The following CLVS1 variants were observed in gnomAD, a reference collection of about 807,000 sequenced individuals.
The protein encoded by CLVS1 is clavesin 1, also known as clavesin-1.
CLVS1 carries 10 observed loss-of-function variants against 33.1 expected under a neutral mutation model. The ratio of observed to expected loss-of-function variants is 0.30; its 90% CI spans 0.19 to 0.51. The LOEUF is 0.51. CLVS1 is among the 20% of genes least tolerant of loss of function. The pLI is 0.97. For synonymous variants in CLVS1, 163 were observed against 166.1 expected, an observed-to-expected ratio of 0.98 and a Z score of 0.14; for missense variants, 343 against 433.4, an observed-to-expected ratio of 0.79 and a Z score of 1.85.
Position 61,169,647 on chromosome 8 carries a change from G to A in CLVS1, c.-152+37787G>A, listed in dbSNP as rs144057233. 5.3e-5 allele frequency among the ~76,000 whole-genome samples: 8 copies of A among 152,284 alleles called. No homozygotes were observed. The East Asian group carries it at 1.5e-3, about 29-fold the overall frequency. ...CAGAAATATTTTGTCCCAGGCCGTT[G>A]TCTGTTATTTGGGCTCAGTTAATTC... On this transcript the variant is annotated intron_variant, in intron 2 of 2. Transcript: ENST00000522621.
chr8:61,078,272 G>A (rs1804962025), intron 1 of CLVS1, among the ~76,000 whole-genome samples: 2 of 152,212 alleles, frequency 1.3e-5, no homozygotes, highest in Admixed American at 1.3e-4. Flanking sequence ...CACACACAGC[G>A]GAATTGCCCG....
the CLVS1 span, among the ~76,000 whole-genome samples, chr8:61,012,411 G>A: frequency 6.0e-4 from 92 of 152,186 alleles, 1 homozygote; most frequent in Non-Finnish European, 2.1e-4. Context: ...CTATAGTGTA[G>A]CAATATTTAT....
the CLVS1 span, among the ~76,000 whole-genome samples, chr8:61,035,263 G>T: frequency 6.7e-6 from 1 of 149,758 alleles, no homozygotes; most frequent in African/African-American, 2.5e-5. Context: ...GGGTTTGAGG[G>T]GAGAGTCTGA....
the CLVS1 span, among the ~76,000 whole-genome samples, chr8:60,990,055 G>C: frequency 6.7e-6 from 1 of 149,600 alleles, no homozygotes; most frequent in South Asian, 2.2e-4. Flanking sequence ...AACCCAGGAG[G>C]TGGAGGTTGC....
intron 2 of CLVS1, among the ~76,000 whole-genome samples, chr8:61,279,862 A>G (rs1809635726): frequency 1.3e-5 from 2 of 152,232 alleles, no homozygotes; most frequent in Admixed American, 6.5e-5. Context: ...CAGAAATAAT[A>G]CTAACTTTGA....
At chr8:61,203,335 G>A (rs1255554624) in intron 2 of CLVS1, 16 of 620,612 alleles carry the variant, frequency 2.6e-5, no homozygotes, top group East Asian at 1.7e-4. Context: ...TTTCCCTACC[G>A]TGTTTGATAA....
At chr8:61,129,360 G>T (rs1301027998) in intron 1 of CLVS1, among the ~76,000 whole-genome samples, 6 of 152,242 alleles carry the variant, frequency 3.9e-5, no homozygotes, top group African/African-American at 1.4e-4. Flanking sequence ...ATGAAGTAGA[G>T]CTCCTGGTTC....
Position 61,212,462 on chromosome 8 carries a change from G to A in CLVS1, c.-152+80602G>A, listed in dbSNP as rs115455031. On this transcript the variant is annotated intron_variant, in intron 2 of 2. Transcript: ENST00000522621. The stretch of plus-strand genomic sequence containing the variant: ...TGAAGTGAGGAGCCCAGGGTACTGA[G>A]GCTGGCGCTGCCCAGTTGGTCCCAA... Among the ~76,000 whole-genome samples, 857 of 152,296 alleles carry A rather than the reference G, an allele frequency of 5.6e-3. 8 individuals carry two copies. Among genetic ancestry groups the A allele is most frequent in the African/African-American group, 0.019 (803 of 41,574 alleles).
At chr8:61,444,988 T>C (rs1816700520) in intron 3 of CLVS1, among the ~76,000 whole-genome samples, 1 of 152,176 alleles carries the variant, frequency 6.6e-6, no homozygotes, top group Non-Finnish European at 1.5e-5. Flanking sequence ...TAGTCATTTG[T>C]TATCTCTGGG....
chr8:61,490,407 G>A (rs1049008663), intron 5 of CLVS1, among the ~76,000 whole-genome samples: 7 of 151,490 alleles, frequency 4.6e-5, no homozygotes, highest in African/African-American at 9.7e-5. Flanking sequence ...TGTGGCTCAC[G>A]CCTGTAATCT....
Position 61,300,063 on chromosome 8 carries a change from T to G in CLVS1, c.236T>G (p.Phe79Cys). 6.2e-7 allele frequency: 1 copy of G among 1,614,018 alleles called. No homozygotes were observed. Among genetic ancestry groups the G allele is most frequent in the Non-Finnish European group, 8.5e-7 (1 of 1,179,966 alleles). Residue 79 changes from phenylalanine (F) to cysteine (C), a missense_variant, in exon 2 of 6, where the codon TTT becomes TGT. Around this residue, in one of 4 missense-constraint regions of CLVS1, gnomAD observed 166 missense variants for 244.0 expected, o/e 0.68. Transcript: ENST00000325897. ...LRTDDAFILR[F>C]LRARKFHQAD... ...ACAGATGATGCCTTCATCCTGAGAT[T>G]TCTCCGAGCCAGGAAGTTTCACCAA...
At chr8:61,372,998 C>T (rs1813500141) in intron 2 of CLVS1, among the ~76,000 whole-genome samples, 1 of 152,152 alleles carries the variant, frequency 6.6e-6, no homozygotes, top group African/African-American at 2.4e-5. Flanking sequence ...ATACTGTACT[C>T]TTTGAAGGAA....
intron 3 of CLVS1, among the ~76,000 whole-genome samples, chr8:61,421,093 G>A (rs1348882911): frequency 6.6e-6 from 1 of 152,114 alleles, no homozygotes; most frequent in African/African-American, 2.4e-5. Flanking sequence ...TTGCTTTTGA[G>A]GTGCATTAGA....
intron 2 of CLVS1, among the ~76,000 whole-genome samples, chr8:61,340,804 T>C (rs1812004826): frequency 1.3e-5 from 2 of 152,228 alleles, no homozygotes; most frequent in African/African-American, 4.8e-5. Flanking sequence ...ACATTTCTAA[T>C]TGGAATGAAT....
intron 3 of CLVS1, among the ~76,000 whole-genome samples, chr8:61,399,438 G>C (rs1372638507): frequency 6.6e-6 from 1 of 151,958 alleles, no homozygotes; most frequent in Non-Finnish European, 1.5e-5. Context: ...TGTAAATGCT[G>C]GACCTTTGTC....
chr8:61,179,768 G>T (rs1467340928), intron 2 of CLVS1, among the ~76,000 whole-genome samples: 5 of 152,176 alleles, frequency 3.3e-5, no homozygotes, highest in African/African-American at 1.2e-4. Flanking sequence ...AATTAAGTTA[G>T]AAATCAAGAC....
the CLVS1 span, among the ~76,000 whole-genome samples, chr8:61,042,270 C>A: frequency 6.6e-6 from 1 of 152,188 alleles, no homozygotes; most frequent in African/African-American, 2.4e-5. Context: ...CAATATTAAC[C>A]ATTATTATTG....
chr8:61,299,656 TTGTG>T lies in CLVS1; in HGVS notation c.-151-17_-151-14del, dbSNP rs1347872613. 6 of 582,140 alleles carry T rather than the reference TTGTG, an allele frequency of 1.0e-5. No individual in the cohort carries two copies. Among genetic ancestry groups the T allele is most frequent in the Non-Finnish European group, 1.8e-5 (6 of 329,626 alleles). The allele number at this position is 582,140 out of a possible 1,614,324, so 36.1% of individuals were successfully genotyped here. A position where few individuals can be genotyped will look rare whatever the true frequency, so the allele number is the denominator to read the frequency against. ...TTGTATCATCTCTCTTCTGTTTCTT[TTGTG>T]TGTATTTGTTTTTCAGTAAGCAATG... is the stretch of plus-strand genomic sequence containing the variant. On this transcript the variant is annotated splice_polypyrimidine_tract_variant and intron_variant, in intron 1 of 5. Transcript: ENST00000325897.
At chr8:61,221,915 G>A (rs1585701184) in intron 2 of CLVS1, among the ~76,000 whole-genome samples, 1 of 152,114 alleles carries the variant, frequency 6.6e-6, no homozygotes, top group Non-Finnish European at 1.5e-5. Flanking sequence ...AGTCTTGGTA[G>A]TATGTTTGTA....
Sources: allele counts gnomAD v4.1 joint callset (sites outside exome capture counted in the v4.1 genomes callset), GRCh38; gene constraint gnomAD v4.1.1; regional missense constraint gnomAD v4.1.1; transcripts MANE v1.5; gene names NCBI Gene and HGNC (gene_info 2026-07-23, HGNC 2026-07-21).